Variants in FERRY3 observed in about 807,000 individuals in gnomAD.
FERRY3 encodes protein C12orf4.
the FERRY3 span, among the ~76,000 whole-genome samples, chr12:4,492,914 A>C: frequency 2.6e-5 from 4 of 152,200 alleles, no homozygotes; most frequent in Non-Finnish European, 4.4e-5. Context: ...TGTGACTTTT[A>C]AATTTTTAAA....
At chr12:4,529,078 G>T in the FERRY3 span, among the ~76,000 whole-genome samples, 1 of 151,902 alleles carries the variant, frequency 6.6e-6, no homozygotes, top group Non-Finnish European at 1.5e-5. Context: ...AAATTACAAT[G>T]GATTATCTAG....
the FERRY3 span, chr12:4,534,448 G>A: frequency 1.1e-6 from 1 of 901,166 alleles, no homozygotes; most frequent in Non-Finnish European, 1.6e-6. Context: ...CTGTTACACA[G>A]GCTGGAGTGC....
chr12:4,506,027 TG>T, the FERRY3 span, among the ~76,000 whole-genome samples: 1 of 152,182 alleles, frequency 6.6e-6, no homozygotes, highest in Non-Finnish European at 1.5e-5. Flanking sequence ...TCTTCTTTTT[TG>T]AAGGCACGCT....
the FERRY3 span, chr12:4,500,282 G>C: frequency 1.2e-6 from 2 of 1,614,066 alleles, no homozygotes; most frequent in Non-Finnish European, 8.5e-7. Context: ...CATCCACACA[G>C]AGATGGAAAG....
At chr12:4,491,356 T>C in the FERRY3 span, 1 of 761,340 alleles carries the variant, frequency 1.3e-6, no homozygotes, top group African/African-American at 1.8e-5. Flanking sequence ...AACTGTTTGC[T>C]AATCCCAACT....
chr12:4,518,203 C>T, the FERRY3 span: 2 of 1,614,088 alleles, frequency 1.2e-6, no homozygotes, highest in South Asian at 1.1e-5. Context: ...TACAGAAGTC[C>T]AGCATATCTG....
chr12:4,526,247 G>C, the FERRY3 span, among the ~76,000 whole-genome samples: 1 of 152,212 alleles, frequency 6.6e-6, no homozygotes, highest in Non-Finnish European at 1.5e-5. Context: ...GGGCATGAAA[G>C]AGGACTCTGT....
the FERRY3 span, among the ~76,000 whole-genome samples, chr12:4,509,625 C>T: frequency 1.4e-5 from 2 of 143,362 alleles, no homozygotes; most frequent in Non-Finnish European, 3.0e-5. Flanking sequence ...GAGGCACCCC[C>T]CGGCAGGGGT....
At chr12:4,527,896 T>TA in the FERRY3 span, among the ~76,000 whole-genome samples, 1 of 150,864 alleles carries the variant, frequency 6.6e-6, no homozygotes, top group Non-Finnish European at 1.5e-5. Flanking sequence ...AAACCTCTAC[T>TA]AAAAAACTAT....
chr12:4,504,260 G>T, the FERRY3 span, among the ~76,000 whole-genome samples: 4 of 152,086 alleles, frequency 2.6e-5, no homozygotes, highest in African/African-American at 9.7e-5. Flanking sequence ...AAAGATCTGG[G>T]GAAGAAAATG....
the FERRY3 span, chr12:4,525,682 ATTTAT>A: frequency 2.4e-6 from 2 of 839,778 alleles, no homozygotes; most frequent in East Asian, 2.7e-5. Context: ...AAAATAAAAA[ATTTAT>A]TTTATAGAAA....
the FERRY3 span, chr12:4,530,045 C>T: frequency 6.2e-6 from 10 of 1,610,678 alleles, no homozygotes; most frequent in South Asian, 2.2e-5. Flanking sequence ...CATGCTCTAA[C>T]GTGGTCTACA....
chr12:4,520,448 G>C, the FERRY3 span, among the ~76,000 whole-genome samples: 1 of 152,242 alleles, frequency 6.6e-6, no homozygotes. Flanking sequence ...CAGAGCAAAA[G>C]TATGGAGGCA....
At chr12:4,489,731 G>T in the FERRY3 span, 1 of 1,063,512 alleles carries the variant, frequency 9.4e-7, no homozygotes, top group Non-Finnish European at 1.4e-6. Flanking sequence ...TCTTTTGCTT[G>T]ACAGATTCCC....
chr12:4,530,677 T>C, the FERRY3 span, among the ~76,000 whole-genome samples: 3 of 152,182 alleles, frequency 2.0e-5, no homozygotes, highest in African/African-American at 7.2e-5. Flanking sequence ...TTTTAAAATA[T>C]CAGCAGGCTT....
At chr12:4,490,645 A>G in the FERRY3 span, 1 of 1,375,390 alleles carries the variant, frequency 7.3e-7, no homozygotes. Flanking sequence ...CAAACCTACC[A>G]GTCACTTACT....
At chr12:4,518,357 C>T in the FERRY3 span, 2 of 1,046,038 alleles carry the variant, frequency 1.9e-6, no homozygotes, top group Admixed American at 2.5e-5. Flanking sequence ...TAAATCTGTA[C>T]CACAAAATAA....
the FERRY3 span, chr12:4,488,675 GT>G: frequency 6.6e-6 from 1 of 152,130 alleles, no homozygotes. This position sits in a 1 kb window ranked among gnomAD's most constrained non-coding sequence, Gnocchi z 4.9. Context: ...AATGAAGGGC[GT>G]TTTGTTTCTT....
the FERRY3 span, chr12:4,524,899 T>A: frequency 5.9e-6 from 1 of 170,444 alleles, no homozygotes; most frequent in Admixed American, 6.0e-5. Context: ...ATAAGCTCCA[T>A]ATAGGCAGGG....
Sources: gnomAD v4.1 joint callset for allele counts (sites outside exome capture counted in the v4.1 genomes callset) on GRCh38, gnomAD v4.1.1 for gene constraint, Gnocchi (gnomAD v3.1) non-coding constraint, MANE v1.5 for transcripts, NCBI Gene and HGNC (gene_info 2026-07-23, HGNC 2026-07-21) for gene names.